FBXL7: variants seen among roughly 807,000 people sequenced by gnomAD.
FBXL7 encodes the protein F-box and leucine rich repeat protein 7.
Under a neutral mutation model 38.3 loss-of-function variants are expected in FBXL7, and 12 were observed. That is an observed-to-expected ratio of 0.31 (90% confidence interval 0.20 to 0.51). The LOEUF (loss-of-function observed/expected upper bound fraction) is 0.51. Among genes scored for constraint, FBXL7 ranks in the 20% least tolerant of loss-of-function variants. FBXL7 has a pLI of 0.98. For synonymous variants in FBXL7, 297 were observed against 300.9 expected, an observed-to-expected ratio of 0.99 and a Z score of 0.13; for missense variants, 567 against 676.4, an observed-to-expected ratio of 0.84 and a Z score of 1.79.
intron 2 of FBXL7, among the ~76,000 whole-genome samples, chr5:15,854,322 GA>G (rs534111984): frequency 4.6e-5 from 7 of 151,806 alleles, no homozygotes; most frequent in Non-Finnish European, 7.4e-5. Context: ...GCCTAAAGGT[GA>G]AAAAAAATCA....
At chr5:15,697,075 G>A (rs1250264606) in intron 2 of FBXL7, among the ~76,000 whole-genome samples, 1 of 152,150 alleles carries the variant, frequency 6.6e-6, no homozygotes, top group African/African-American at 2.4e-5. Context: ...AGAGTATGTA[G>A]GTAACCTAAC....
At chr5:15,602,944 T>A (rs13171091) in intron 1 of FBXL7, among the ~76,000 whole-genome samples, 1 of 152,134 alleles carries the variant, frequency 6.6e-6, no homozygotes, top group Non-Finnish European at 1.5e-5. Context: ...GGGGATCCTC[T>A]GGCCTCAACC....
chr5:15,639,464 C>G (rs1580426853), intron 2 of FBXL7, among the ~76,000 whole-genome samples: 3 of 152,212 alleles, frequency 2.0e-5, no homozygotes, highest in African/African-American at 4.8e-5. Context: ...TGCACAGGCT[C>G]TCTCTCTTTG....
rs373248714 is a variant in FBXL7, at chr5:15,791,900, G to A, written c.128-135990G>A. 2.4e-4 allele frequency among the ~76,000 whole-genome samples: 37 copies of A among 152,236 alleles called. 2 individuals are homozygous for A. In the East Asian group the frequency reaches 4.4e-3, roughly 18 times the overall value. On this transcript the variant is annotated intron_variant, in intron 2 of 3. Coordinates refer to ENST00000504595, the MANE Select transcript of FBXL7 (RefSeq NM_012304.5). ...GATCTGGCTGCTGGGCTCCAAACAG[G>A]GTACAGAAGGTTCCAAAGTGGGTCT...
chr5:15,831,284 G>A (rs868273180), intron 2 of FBXL7, among the ~76,000 whole-genome samples: 3 of 152,234 alleles, frequency 2.0e-5, no homozygotes, highest in Middle Eastern at 3.4e-3. Flanking sequence ...CAGATCTTAC[G>A]ACATGCCAGT....
chr5:15,763,359 A>C (rs1456226331), intron 2 of FBXL7, among the ~76,000 whole-genome samples: 2 of 152,208 alleles, frequency 1.3e-5, no homozygotes, highest in East Asian at 3.9e-4. Flanking sequence ...AAAGTCAGCT[A>C]TTGTTACTTA....
chr5:15,564,166 C>T (rs1000110228), intron 1 of FBXL7, among the ~76,000 whole-genome samples: 1 of 152,034 alleles, frequency 6.6e-6, no homozygotes, highest in South Asian at 2.1e-4. Context: ...TCAAAGGGCT[C>T]TGGAGTGTCT....
chr5:15,576,617 C>T (rs1006634565), intron 1 of FBXL7, among the ~76,000 whole-genome samples: 15 of 152,092 alleles, frequency 9.9e-5, no homozygotes, highest in African/African-American at 3.6e-4. Flanking sequence ...AGCAAAGAAG[C>T]AGTGGATATT....
chr5:15,663,490 A>G (rs1438701155), intron 2 of FBXL7, among the ~76,000 whole-genome samples: 1 of 152,150 alleles, frequency 6.6e-6, no homozygotes, highest in African/African-American at 2.4e-5. Context: ...ATTTTGAGGT[A>G]TATTCCTTCG....
At chr5:15,914,883 T>C (rs1741541999) in intron 2 of FBXL7, among the ~76,000 whole-genome samples, 1 of 152,192 alleles carries the variant, frequency 6.6e-6, no homozygotes, top group South Asian at 2.1e-4. Context: ...GCTCACAGTA[T>C]ACTGGATGGA....
In FBXL7 at chr5:15,752,070, A is replaced by C. The variant is rs1303449419; in HGVS notation, c.127+135998A>C. Among the ~76,000 whole-genome samples the C allele has an allele frequency of 3.3e-5, 5 of 152,332 alleles. No individual in the cohort carries two copies. In the East Asian group the frequency reaches 9.7e-4, roughly 29 times the overall value. On this transcript the variant is annotated intron_variant, in intron 2 of 3. Coordinates refer to ENST00000504595, the MANE Select transcript of FBXL7 (RefSeq NM_012304.5). ...AGTTTATTTCATGTCGATCTTCAGA[A>C]TTTTAATTTCTAGTGCACTGAATTT...
chr5:15,501,372 T>C lies in FBXL7; in HGVS notation c.37+659T>C, dbSNP rs532080867. 1.8e-4 allele frequency: 170 copies of C among 960,822 alleles called. 2 individuals carry two copies. The South Asian group carries it at 7.2e-3, about 41-fold the overall frequency. The allele number at this position is 960,822 out of a possible 1,614,324, so 59.5% of individuals were successfully genotyped here. The stretch of plus-strand genomic sequence containing the variant: ...TAGGGAAACTTTAAACTCCACCTAC[T>C]CCTAAAAGGATGATGGATGTCTGGG... On this transcript the variant is annotated intron_variant, in intron 1 of 3. Transcript: ENST00000504595.
chr5:15,573,347 A>C (rs995817807), intron 1 of FBXL7, among the ~76,000 whole-genome samples: 1 of 152,212 alleles, frequency 6.6e-6, no homozygotes, highest in Admixed American at 6.5e-5. Context: ...AGGAGGAGGC[A>C]AGGAATATTA....
At chr5:15,671,760 G>C (rs1742484273) in intron 2 of FBXL7, among the ~76,000 whole-genome samples, 1 of 152,174 alleles carries the variant, frequency 6.6e-6, no homozygotes, top group Non-Finnish European at 1.5e-5. Flanking sequence ...GCTCAGTGTT[G>C]CATTGAAACC....
intron 1 of FBXL7, among the ~76,000 whole-genome samples, chr5:15,615,743 G>T (rs1740425236): frequency 6.6e-6 from 1 of 152,064 alleles, no homozygotes; most frequent in South Asian, 2.1e-4. Context: ...TTATAATCTT[G>T]TCTGAGTTTA....
At chr5:15,836,049 T>C (rs1472601400) in intron 2 of FBXL7, among the ~76,000 whole-genome samples, 1 of 152,152 alleles carries the variant, frequency 6.6e-6, no homozygotes, top group Non-Finnish European at 1.5e-5. Context: ...TTATTTGCTT[T>C]TTTACTCATT....
intron 1 of FBXL7, among the ~76,000 whole-genome samples, chr5:15,596,240 T>A (rs944702037): frequency 1.3e-5 from 2 of 152,232 alleles, no homozygotes; most frequent in African/African-American, 4.8e-5. Flanking sequence ...AAAAAGGCAT[T>A]TTTAAAGTAC....
intron 2 of FBXL7, among the ~76,000 whole-genome samples, chr5:15,765,672 G>C (rs1036919626): frequency 6.6e-6 from 1 of 152,200 alleles, no homozygotes; most frequent in East Asian, 1.9e-4. Context: ...TCTAGGGTAA[G>C]TGGCACCATG....
intron 2 of FBXL7, among the ~76,000 whole-genome samples, chr5:15,903,676 A>C (rs544115745): frequency 1.3e-5 from 2 of 152,294 alleles, no homozygotes; most frequent in African/African-American, 4.8e-5. Flanking sequence ...CCCTGATCTG[A>C]TCATTATACA....
Sources: gnomAD v4.1 joint callset for allele counts (sites outside exome capture counted in the v4.1 genomes callset) on GRCh38, gnomAD v4.1.1 for gene constraint, MANE v1.5 for transcripts, NCBI Gene and HGNC (gene_info 2026-07-23, HGNC 2026-07-21) for gene names.